SORBS2: variants seen among roughly 807,000 people sequenced by gnomAD.
SORBS2 encodes the protein sorbin and SH3 domain-containing protein 2.
Under a neutral mutation model 97.7 loss-of-function variants are expected in SORBS2, and 46 were observed. That is an observed-to-expected ratio of 0.47 (90% CI 0.37 to 0.60). The LOEUF is 0.60. SORBS2 is among the 20% of genes least tolerant of loss of function. The pLI is 0.00. For synonymous variants in SORBS2, 476 were observed against 473.4 expected (o/e 1.01, Z -0.07); for missense variants, 1,316 against 1,282.3 (o/e 1.03, Z -0.40).
intron 1 of SORBS2, among the ~76,000 whole-genome samples, chr4:185,821,516 T>C: frequency 6.6e-6 from 1 of 152,098 alleles, no homozygotes; most frequent in East Asian, 1.9e-4. Flanking sequence ...CTCCACCTCC[T>C]GGGTTCAAGG....
intron 2 of SORBS2, among the ~76,000 whole-genome samples, chr4:185,746,023 AT>A: frequency 6.6e-6 from 1 of 152,348 alleles, no homozygotes; most frequent in South Asian, 2.1e-4. Context: ...AGCAGAAGAA[AT>A]AATAGAGGGA....
At chr4:185,649,745 C>A in intron 2 of SORBS2, 89 bp from the exon 12 acceptor site, 2 of 770,052 alleles carry the variant, frequency 2.6e-6, no homozygotes, top group Middle Eastern at 5.1e-4. Context: ...CTCAAAATAG[C>A]CAATGATTGC....
At chr4:185,854,932 G>C (rs922118956) in intron 1 of SORBS2, among the ~76,000 whole-genome samples, 1 of 152,074 alleles carries the variant, frequency 6.6e-6, no homozygotes, top group Non-Finnish European at 1.5e-5. Context: ...TAGAATTAGT[G>C]GGTTTCTAAG....
chr4:185,614,648 C>A, intron 11 of SORBS2, 183 bp downstream of exon 23: 1 of 666,012 alleles, frequency 1.5e-6, no homozygotes. Context: ...TAAAAGGACA[C>A]AGGGACCAGC....
chr4:185,631,293 T>A (rs1469251177), intron 4 of SORBS2, among the ~76,000 whole-genome samples: 1 of 152,260 alleles, frequency 6.6e-6, no homozygotes, highest in Non-Finnish European at 1.5e-5. Context: ...AGTGCGCTTT[T>A]AAATTTTTCC....
chr4:185,724,900 T>C (rs2098544809), intron 2 of SORBS2, among the ~76,000 whole-genome samples: 1 of 152,244 alleles, frequency 6.6e-6, no homozygotes, highest in Non-Finnish European at 1.5e-5. Context: ...TAAATACTAG[T>C]TTCCTTCACG....
chr4:185,666,318 G>C (rs1242592409), intron 4 of SORBS2: 2 of 487,154 alleles, frequency 4.1e-6, no homozygotes, highest in Non-Finnish European at 7.1e-6. Flanking sequence ...AGCACTTTAA[G>C]GAGTTACATT....
intron 2 of SORBS2, among the ~76,000 whole-genome samples, chr4:185,718,391 T>C (rs759630134): frequency 1.8e-4 from 27 of 152,162 alleles, no homozygotes; most frequent in Non-Finnish European, 3.5e-4. Context: ...AGTTTCAGGA[T>C]CAGTTGTATA....
chr4:185,624,981 T>A (rs1229651483), intron 6 of SORBS2, among the ~76,000 whole-genome samples: 6 of 152,250 alleles, frequency 3.9e-5, no homozygotes, highest in African/African-American at 1.4e-4. Context: ...TACATTTACA[T>A]CGAATTAATA....
At chr4:185,940,495 C>G (rs2099271425) in intron 1 of SORBS2, among the ~76,000 whole-genome samples, 1 of 152,196 alleles carries the variant, frequency 6.6e-6, no homozygotes, top group African/African-American at 2.4e-5. Flanking sequence ...CCCCCCTCAT[C>G]TCTCACTGGA....
intron 6 of SORBS2, among the ~76,000 whole-genome samples, chr4:185,625,847 C>G (rs2096801824): frequency 6.6e-6 from 1 of 152,214 alleles, no homozygotes; most frequent in African/African-American, 2.4e-5. Context: ...AATCAGCTAC[C>G]ACTTTTAACT....
At chr4:185,638,190 G>A in intron 4 of SORBS2, 28 bp from the exon 15 acceptor site, 1 of 1,398,256 alleles carries the variant, frequency 7.2e-7, no homozygotes, top group Non-Finnish European at 1.0e-6. Flanking sequence ...GAAAAGGGAA[G>A]GAAAAGGCAC....
chr4:185,867,122 C>T (rs2099227313), intron 1 of SORBS2, among the ~76,000 whole-genome samples: 1 of 152,174 alleles, frequency 6.6e-6, no homozygotes, highest in Non-Finnish European at 1.5e-5. Flanking sequence ...AGCGATTCTC[C>T]TGCCTCAGCC....
chr4:185,945,026 C>G (rs967172037), intron 1 of SORBS2, among the ~76,000 whole-genome samples: 2 of 152,174 alleles, frequency 1.3e-5, no homozygotes, highest in Non-Finnish European at 2.9e-5. Context: ...GCTCTAGGAA[C>G]TTTTGGAGCT....
rs70962587 is a variant in SORBS2 at position 185,709,304 on chromosome 4, C to CTTTTTTTTTTTTTTTT, written c.-197-30498_-197-30483dup. 9.1e-4 allele frequency among the ~76,000 whole-genome samples: 88 copies of CTTTTTTTTTTTTTTTT among 96,738 alleles called. 1 individual carries two copies. Among genetic ancestry groups the CTTTTTTTTTTTTTTTT allele is most frequent in the African/African-American group, 3.1e-3 (76 of 24,352 alleles). The allele number at this position is 96,738 out of a possible 152,430, so 63.5% of individuals were successfully genotyped here. ...GCATGAGCCGCTGTGCTGGCCAAAT[C>CTTTTTTTTTTTTTTTT]TTTTTTTTTTTTTTTTTTTTAGTAA... On this transcript the variant is annotated intron_variant, in intron 2 of 20. Transcript: ENST00000284776.
At chr4:185,882,128 C>T (rs908690161) in intron 1 of SORBS2, among the ~76,000 whole-genome samples, 3 of 151,998 alleles carry the variant, frequency 2.0e-5, no homozygotes, top group Non-Finnish European at 4.4e-5. Context: ...AAAGAAACAA[C>T]AGTCATATTG....
intron 1 of SORBS2, among the ~76,000 whole-genome samples, chr4:185,887,470 G>A (rs1417549257): frequency 4.6e-5 from 7 of 152,300 alleles, no homozygotes; most frequent in African/African-American, 7.2e-5. Context: ...TGCGGGCATC[G>A]CAGACCGTGG....
intron 4 of SORBS2, among the ~76,000 whole-genome samples, chr4:185,644,060 A>T (rs982145556): frequency 1.2e-3 from 183 of 152,252 alleles, no homozygotes; most frequent in African/African-American, 4.2e-3. Context: ...TAATTTTTTT[A>T]AAAAGATGAT....
intron 4 of SORBS2, among the ~76,000 whole-genome samples, chr4:185,672,997 A>G (rs937472434): frequency 1.3e-5 from 2 of 152,214 alleles, no homozygotes; most frequent in Non-Finnish European, 2.9e-5. Context: ...ATAGATAAAG[A>G]CAACGTGGTG....
Sources: allele counts gnomAD v4.1 joint callset (sites outside exome capture counted in the v4.1 genomes callset), GRCh38; gene constraint gnomAD v4.1.1; transcripts MANE v1.5; gene names NCBI Gene and HGNC (gene_info 2026-07-23, HGNC 2026-07-21).